The following MCPH1 variants were observed in gnomAD, a reference collection of about 807,000 sequenced individuals.
MCPH1 encodes the protein microcephalin 1, also known as microcephalin.
In MCPH1, 104 loss-of-function variants were observed where a neutral mutation model predicts 84.5. The ratio of observed to expected loss-of-function variants is 1.23; its 90% confidence interval spans 1.05 to 1.45. MCPH1 has a LOEUF of 1.45. Ranked by LOEUF, MCPH1 falls within the 40% of genes most tolerant of loss-of-function variation. The pLI is 0.00. For synonymous variants in MCPH1, 514 were observed against 366.8 expected (o/e 1.40, Z -4.58); for missense variants, 1,498 against 1,005.7 (o/e 1.49, Z -6.62).
At chr8:6,561,790 T>A (rs746295707) in intron 12 of MCPH1, among the ~76,000 whole-genome samples, 8 of 151,466 alleles carry the variant, frequency 5.3e-5, no homozygotes, top group Non-Finnish European at 1.2e-4. Flanking sequence ...TGAAAAAAAA[T>A]TATTTATGAA....
At chr8:6,566,253 G>C (rs993334862) in intron 12 of MCPH1, among the ~76,000 whole-genome samples, 13 of 152,226 alleles carry the variant, frequency 8.5e-5, no homozygotes, top group Non-Finnish European at 1.5e-4. Flanking sequence ...CTGGACTGTA[G>C]CTTGCTGGCC....
intron 12 of MCPH1, among the ~76,000 whole-genome samples, chr8:6,613,103 C>T (rs1399369161): frequency 6.6e-6 from 1 of 152,104 alleles, no homozygotes; most frequent in Non-Finnish European, 1.5e-5. Flanking sequence ...CTCCAGCAGC[C>T]TGGGGTTCTG....
At chr8:6,515,152 ATCC>A (rs1402334793) in intron 12 of MCPH1, among the ~76,000 whole-genome samples, 1 of 152,108 alleles carries the variant, frequency 6.6e-6, no homozygotes, top group Non-Finnish European at 1.5e-5. Flanking sequence ...CCACATCTCC[ATCC>A]TGTAGAAAAC....
chr8:6,424,815 C>T (rs1343808890), intron 3 of MCPH1, among the ~76,000 whole-genome samples: 1 of 152,244 alleles, frequency 6.6e-6, no homozygotes, highest in Non-Finnish European at 1.5e-5. Flanking sequence ...GTTGTGCAGA[C>T]TTCTCTGAGT....
In MCPH1 at chr8:6,504,170, T is replaced by G. The variant is rs538896358; in HGVS notation, c.2214+4241T>G. ...CGTCTCTACTAAAAATACAAAAAAT[T>G]AGCCGGGCGTGGTGGCGGACGCCTG... On this transcript the variant is annotated intron_variant, in intron 12 of 13. Coordinates refer to ENST00000344683, the MANE Select transcript of MCPH1 (RefSeq NM_024596.5). Among the ~76,000 whole-genome samples, 28 of 151,314 alleles carry G rather than the reference T, an allele frequency of 1.9e-4. 1 individual carries two copies. The highest frequency in any genetic ancestry group is 3.7e-4 in the Non-Finnish European group (25 of 67,814).
intron 9 of MCPH1, among the ~76,000 whole-genome samples, chr8:6,467,973 G>A (rs1404718013): frequency 6.6e-6 from 1 of 152,164 alleles, no homozygotes; most frequent in Non-Finnish European, 1.5e-5. Flanking sequence ...CACTAGCCAG[G>A]AAATCCATGA....
At chr8:6,419,713 A>G (rs1421387891) in intron 3 of MCPH1, among the ~76,000 whole-genome samples, 6 of 152,060 alleles carry the variant, frequency 3.9e-5, no homozygotes, top group South Asian at 2.1e-4. Flanking sequence ...GGATCTTACT[A>G]TGTAGGCCAG....
chr8:6,492,485 C>T (rs1014590292), intron 11 of MCPH1, among the ~76,000 whole-genome samples: 1 of 151,636 alleles, frequency 6.6e-6, no homozygotes, highest in African/African-American at 2.4e-5. Flanking sequence ...TAATTAGATC[C>T]CATTTATCAA....
In MCPH1 at chr8:6,542,597, CTT is replaced by C. The variant is rs370880744; in HGVS notation, c.2214+42669_2214+42670del. Among the ~76,000 whole-genome samples the C allele has an allele frequency of 1.9e-3, 283 of 150,442 alleles. 3 individuals carry two copies. The highest frequency in any genetic ancestry group is 4.4e-4 in the Non-Finnish European group (30 of 67,650). On this transcript the variant is annotated intron_variant, in intron 12 of 13. Transcript: ENST00000344683. ...GCTGTACTGATATGCCTATTCTTAT[CTT>C]AAAAAAAAAAAAGTGCTGTCTGAGG... is the stretch of plus-strand genomic sequence containing the variant.
intron 12 of MCPH1, chr8:6,621,030 C>T (rs777000489): frequency 1.4e-5 from 4 of 286,980 alleles, no homozygotes; most frequent in Non-Finnish European, 2.7e-5. Flanking sequence ...GCCTGGAGCG[C>T]GCTGGATTGA....
intron 13 of MCPH1, chr8:6,621,979 C>G: frequency 2.3e-6 from 1 of 443,388 alleles, no homozygotes; most frequent in Admixed American, 2.9e-5. Context: ...CCACCCCGGG[C>G]CACCCCTGTG....
At chr8:6,638,512 T>C (rs1797714003) in intron 13 of MCPH1, among the ~76,000 whole-genome samples, 1 of 151,762 alleles carries the variant, frequency 6.6e-6, no homozygotes, top group South Asian at 2.1e-4. Context: ...CACAGAGCCA[T>C]GGCTAGTAAA....
intron 9 of MCPH1, among the ~76,000 whole-genome samples, chr8:6,455,966 G>T (rs1006379814): frequency 1.3e-5 from 2 of 152,112 alleles, no homozygotes; most frequent in Non-Finnish European, 1.5e-5. Flanking sequence ...GTCTGCATGG[G>T]GCTTCCAGGT....
chr8:6,513,425 CG>C (rs1815586067), intron 12 of MCPH1, among the ~76,000 whole-genome samples: 1 of 151,708 alleles, frequency 6.6e-6, no homozygotes, highest in South Asian at 2.1e-4. Context: ...CTCCGCCTCC[CG>C]GGTTCACGCC....
intron 13 of MCPH1, among the ~76,000 whole-genome samples, chr8:6,632,088 G>A (rs1797203149): frequency 6.6e-6 from 1 of 152,134 alleles, no homozygotes; most frequent in South Asian, 2.1e-4. Context: ...GAAACCAAAG[G>A]ACAAATATCA....
chr8:6,629,078 G>A (rs1018024010), intron 13 of MCPH1, among the ~76,000 whole-genome samples: 3 of 152,194 alleles, frequency 2.0e-5, no homozygotes, highest in Admixed American at 6.5e-5. Context: ...GAACATGATT[G>A]TATCTGGAGC....
At chr8:6,504,388 T>C (rs1812850428) in intron 12 of MCPH1, among the ~76,000 whole-genome samples, 1 of 150,686 alleles carries the variant, frequency 6.6e-6, no homozygotes, top group Admixed American at 6.6e-5. Context: ...GGATAAAATC[T>C]CCTGATGCCC....
intron 9 of MCPH1, 147 bp downstream of exon 9, chr8:6,455,399 T>C: frequency 1.5e-6 from 1 of 671,164 alleles, no homozygotes; most frequent in East Asian, 2.7e-5. Flanking sequence ...AAACTCAGAA[T>C]ATGAAACTGA....
At chr8:6,478,450 T>C (rs1362428139) in intron 10 of MCPH1, among the ~76,000 whole-genome samples, 1 of 152,254 alleles carries the variant, frequency 6.6e-6, no homozygotes, top group Non-Finnish European at 1.5e-5. Flanking sequence ...TTAAAGTCTT[T>C]GTATTTTTCC....
Sources: allele counts gnomAD v4.1 joint callset (sites outside exome capture counted in the v4.1 genomes callset), GRCh38; gene constraint gnomAD v4.1.1; transcripts MANE v1.5; gene names NCBI Gene and HGNC (gene_info 2026-07-23, HGNC 2026-07-21).